The following SSBP3 variants were observed in gnomAD, a reference collection of about 807,000 sequenced individuals.
SSBP3 encodes the protein single-stranded DNA-binding protein 3.
In SSBP3, 5 loss-of-function variants were observed where a neutral mutation model predicts 69.6. That is an observed-to-expected ratio of 0.07 (90% CI 0.04 to 0.15). The LOEUF (loss-of-function observed/expected upper bound fraction) is 0.15. Among genes scored for constraint, SSBP3 ranks in the 10% least tolerant of loss-of-function variants. SSBP3 has a pLI of 1.00. For missense variants in SSBP3, 312 were observed against 534.0 expected (o/e 0.58, Z 4.10); for synonymous variants, 196 against 193.4 (o/e 1.01, Z -0.11).
chr1:54,406,953 C>T (rs1649825994), upstream of SSBP3, among the ~76,000 whole-genome samples: 2 of 151,998 alleles, frequency 1.3e-5, no homozygotes, highest in African/African-American at 4.8e-5. Flanking sequence ...CCAGCCCGGC[C>T]CCCAGCCCGC....
intron 4 of SSBP3, among the ~76,000 whole-genome samples, chr1:54,389,238 CTT>C (rs1016553037): frequency 1.7e-4 from 26 of 152,282 alleles, no homozygotes; most frequent in African/African-American, 6.3e-4. Context: ...CATGCAATCT[CTT>C]TGTAAATAAA....
intron 14 of SSBP3, among the ~76,000 whole-genome samples, chr1:54,229,591 C>T (rs1644347052): frequency 6.6e-6 from 1 of 152,104 alleles, no homozygotes; most frequent in Non-Finnish European, 1.5e-5. Context: ...GTCGATTCTA[C>T]CCACCCACAA....
chr1:54,225,648 G>T, exon 18 of SSBP3: 1 of 280,256 alleles, frequency 3.6e-6, no homozygotes, highest in African/African-American at 2.2e-5. Context: ...GGATCAGAAA[G>T]GGAGGGAGTA....
intron 4 of SSBP3, among the ~76,000 whole-genome samples, chr1:54,293,465 CAAAG>C (rs1278323498): frequency 1.3e-5 from 2 of 152,188 alleles, no homozygotes. Context: ...ATTGAAAACA[CAAAG>C]GAAGGTCTTT....
At chr1:54,352,174 C>A (rs1260432198) in intron 4 of SSBP3, among the ~76,000 whole-genome samples, 2 of 148,484 alleles carry the variant, frequency 1.3e-5, no homozygotes, top group Non-Finnish European at 3.0e-5. Flanking sequence ...CCCCGCCCCC[C>A]AAAAAAAACA....
chr1:54,226,832 GT>G, exon 18 of SSBP3: 1 of 400,734 alleles, frequency 2.5e-6, no homozygotes, highest in South Asian at 2.3e-5. Flanking sequence ...AAAGTGTCAT[GT>G]ACAGAAAAGG....
intron 4 of SSBP3, among the ~76,000 whole-genome samples, chr1:54,326,081 G>GGCAGCAGCA (rs1046647975): frequency 1.2e-4 from 18 of 152,164 alleles, no homozygotes; most frequent in Middle Eastern, 6.8e-3. Flanking sequence ...CGGTGCTGAT[G>GGCAGCAGCA]GCAGCAGCAG....
intron 14 of SSBP3, among the ~76,000 whole-genome samples, chr1:54,230,900 T>C (rs1249093425): frequency 1.3e-5 from 2 of 152,240 alleles, no homozygotes; most frequent in Non-Finnish European, 2.9e-5. Flanking sequence ...ACATTTCATT[T>C]ATCCATTCAT....
intron 4 of SSBP3, among the ~76,000 whole-genome samples, chr1:54,398,207 G>A (rs528597809): frequency 1.3e-5 from 2 of 152,284 alleles, no homozygotes; most frequent in South Asian, 4.1e-4. Context: ...AAATGGGAGT[G>A]AGATTTTGTA....
intron 4 of SSBP3, among the ~76,000 whole-genome samples, chr1:54,360,761 C>G (rs1297130782): frequency 6.6e-6 from 1 of 152,134 alleles, no homozygotes; most frequent in African/African-American, 2.4e-5. Context: ...GGGGACCATG[C>G]CCCAGGTCAT....
chr1:54,380,660 G>A (rs962484197), intron 4 of SSBP3, among the ~76,000 whole-genome samples: 1 of 152,114 alleles, frequency 6.6e-6, no homozygotes, highest in South Asian at 2.1e-4. Context: ...AGACAAACTC[G>A]CTGACTCACC....
chr1:54,255,112 T>C (rs1244923599), intron 7 of SSBP3, among the ~76,000 whole-genome samples: 2 of 114,566 alleles, frequency 1.7e-5, no homozygotes, highest in Non-Finnish European at 3.2e-5. Context: ...ATTATAAGCG[T>C]GAGTCACTGC....
chr1:54,289,932 T>C (rs1645574123), intron 4 of SSBP3, among the ~76,000 whole-genome samples: 1 of 152,118 alleles, frequency 6.6e-6, no homozygotes, highest in African/African-American at 2.4e-5. Context: ...CGGTCCCTTG[T>C]GACCCAGCTC....
chr1:54,329,279 T>C (rs1485488065), intron 4 of SSBP3, among the ~76,000 whole-genome samples: 4 of 152,198 alleles, frequency 2.6e-5, no homozygotes, highest in Non-Finnish European at 4.4e-5. Flanking sequence ...GGCAGACACA[T>C]TAAGAAGGCT....
chr1:54,238,420 A>G, intron 14 of SSBP3: 1 of 424,696 alleles, frequency 2.4e-6, no homozygotes, highest in African/African-American at 2.1e-5. Context: ...TGCATGGAGG[A>G]GGAAGGGAAG....
chr1:54,345,641 G>A (rs968348326), intron 4 of SSBP3, among the ~76,000 whole-genome samples: 21 of 152,108 alleles, frequency 1.4e-4, no homozygotes, highest in Admixed American at 9.2e-4. Flanking sequence ...AGTAACTAGC[G>A]TCTCACCCCA....
intron 4 of SSBP3, among the ~76,000 whole-genome samples, chr1:54,312,779 C>T (rs2100293092): frequency 6.6e-6 from 1 of 152,334 alleles, no homozygotes; most frequent in Non-Finnish European, 1.5e-5. Context: ...TTGGGTCCCA[C>T]CTGGGAGCCA....
intron 4 of SSBP3, among the ~76,000 whole-genome samples, chr1:54,385,198 A>T (rs1420312878): frequency 2.0e-5 from 3 of 152,130 alleles, no homozygotes; most frequent in African/African-American, 7.2e-5. Context: ...GAAGAGAAAG[A>T]TCGTTTGGGG....
chr1:54,245,676 C>T (rs899306178), intron 9 of SSBP3, among the ~76,000 whole-genome samples: 1 of 152,212 alleles, frequency 6.6e-6, no homozygotes, highest in African/African-American at 2.4e-5. Context: ...GCAGGCCCCG[C>T]CTCACCCTGT....
Sources: allele counts gnomAD v4.1 joint callset (sites outside exome capture counted in the v4.1 genomes callset), GRCh38; gene constraint gnomAD v4.1.1; transcripts MANE v1.5; gene names NCBI Gene and HGNC (gene_info 2026-07-23, HGNC 2026-07-21).